The following GPR158 variants were observed in gnomAD, a reference collection of about 807,000 sequenced individuals.
The protein encoded by GPR158 is metabotropic glycine receptor.
Under a neutral mutation model 78.2 loss-of-function variants are expected in GPR158, and 30 were observed. The observed-to-expected ratio is 0.38, with a 90% CI of 0.29 to 0.52. The LOEUF (loss-of-function observed/expected upper bound fraction) is 0.52. GPR158 is among the 20% of genes least tolerant of loss of function. The probability of loss-of-function intolerance (pLI) is 0.83; values close to 1 mark genes in which losing one functional copy is unlikely to be tolerated. For missense variants in GPR158, 1,463 were observed against 1,523.5 expected, an observed-to-expected ratio of 0.96 and a Z score of 0.66; for synonymous variants, 581 against 591.1, an observed-to-expected ratio of 0.98 and a Z score of 0.25.
chr10:25,492,283 A>C lies in GPR158; in HGVS notation c.1404+25564A>C, dbSNP rs974816172. On this transcript the variant is annotated intron_variant, in intron 5 of 10. Transcript: ENST00000376351. ...CTCCCACCAGGCCCTGCCTCTGCCA[A>C]CCCTTGAGTCAGAAACACTATTCAA... Among the ~76,000 whole-genome samples the C allele has an allele frequency of 7.2e-5, 11 of 152,150 alleles. No homozygotes were observed. The East Asian group carries it at 2.1e-3, about 29-fold the overall frequency.
intron 1 of GPR158, among the ~76,000 whole-genome samples, chr10:25,219,459 A>G (rs1452060586): frequency 6.6e-6 from 1 of 152,220 alleles, no homozygotes; most frequent in African/African-American, 2.4e-5. Context: ...CCACAACAGT[A>G]ATATTTTGCA....
intron 1 of GPR158, among the ~76,000 whole-genome samples, chr10:25,218,859 T>C (rs1588741195): frequency 1.1e-5 from 1 of 95,104 alleles, no homozygotes; most frequent in South Asian, 3.1e-4. Flanking sequence ...ATGGAACTTA[T>C]TTTTTTTTTT....
chr10:25,230,520 A>G (rs982601992), intron 2 of GPR158, among the ~76,000 whole-genome samples: 2 of 152,164 alleles, frequency 1.3e-5, no homozygotes, highest in Admixed American at 1.3e-4. Context: ...AGGACTTTGA[A>G]ACCTTACTTT....
At chr10:25,506,930 T>G (rs888367912) in intron 5 of GPR158, among the ~76,000 whole-genome samples, 3 of 152,264 alleles carry the variant, frequency 2.0e-5, no homozygotes, top group African/African-American at 7.2e-5. Context: ...GAGTTTTGAC[T>G]GTAATGTCCT....
At chr10:25,340,298 T>C (rs1026186518) in intron 2 of GPR158, among the ~76,000 whole-genome samples, 1 of 152,054 alleles carries the variant, frequency 6.6e-6, no homozygotes. Context: ...AAACAAGATA[T>C]ACCCGTTAAA....
At chr10:25,180,702 A>G (rs1183732517) in intron 1 of GPR158, among the ~76,000 whole-genome samples, 1 of 152,164 alleles carries the variant, frequency 6.6e-6, no homozygotes, top group East Asian at 1.9e-4. Context: ...AATAGACTTG[A>G]TGATTTCCAT....
chr10:25,306,610 A>G (rs1854679652), intron 2 of GPR158, among the ~76,000 whole-genome samples: 1 of 152,164 alleles, frequency 6.6e-6, no homozygotes, highest in Non-Finnish European at 1.5e-5. Context: ...TTGTTTTCAT[A>G]TCTTTCCATA....
chr10:25,444,800 G>C (rs1835119013), intron 4 of GPR158, among the ~76,000 whole-genome samples: 1 of 152,084 alleles, frequency 6.6e-6, no homozygotes, highest in Non-Finnish European at 1.5e-5. Context: ...ATATCATTGA[G>C]TTTTAAAGCA....
At position 25,212,026 on chromosome 10, in the gene GPR158, A is replaced by G. The variant is rs1237171717; in HGVS notation, c.903-9026A>G. ...CTACTTAAACTTAAGCTATTTCTCAAAAATTCATACAGAATTTTGGTAGGT... is the reference window on the plus strand; with the variant it reads ...CTACTTAAACTTAAGCTATTTCTCAGAAATTCATACAGAATTTTGGTAGGT... On this transcript the variant is annotated intron_variant, in intron 1 of 10. Coordinates refer to ENST00000376351, the MANE Select transcript of GPR158 (RefSeq NM_020752.3). Among the ~76,000 whole-genome samples the G allele has an allele frequency of 3.9e-5, 6 of 152,160 alleles. 1 individual carries two copies. Among genetic ancestry groups the G allele is most frequent in the Non-Finnish European group, 4.4e-5 (3 of 68,028 alleles).
In GPR158 at chr10:25,576,970, CAAAA is replaced by C. The variant is rs765153642; in HGVS notation, c.1753+4097_1753+4100del. 4.6e-3 allele frequency among the ~76,000 whole-genome samples: 528 copies of C among 113,736 alleles called. 3 individuals are homozygous for C. Among genetic ancestry groups the C allele is most frequent in the Non-Finnish European group, 4.5e-3 (244 of 53,908 alleles). 74.6% of individuals were successfully genotyped at this position (113,736 alleles called of 152,430 possible). A position where few individuals can be genotyped will look rare whatever the true frequency, so the allele number is the denominator to read the frequency against. On this transcript the variant is annotated intron_variant, in intron 7 of 10. Transcript: ENST00000376351. Reference sequence around the variant, plus strand: ...GCTCATCCCATAGTGACAGTGTTCTCAAAAAAAAAAAAAAAAAGTCAGGGCACAT... The same window carrying C: ...GCTCATCCCATAGTGACAGTGTTCTCAAAAAAAAAAAAAGTCAGGGCACAT...
At position 25,599,305 on chromosome 10, in the gene GPR158, AC is replaced by A; in HGVS notation, c.*35del. 1.3e-6 allele frequency: 2 copies of A among 1,481,552 alleles called. No individual in the cohort carries two copies. Among genetic ancestry groups the A allele is most frequent in the Non-Finnish European group, 1.9e-6 (2 of 1,079,488 alleles). The allele number at this position is 1,481,552 out of a possible 1,614,324, so 91.8% of individuals were successfully genotyped here. Reference sequence around the variant, plus strand: ...CCAGGAAGAAGAGGAAAAGGAGGGAACCCCGGATTGGATATGAGACAGAAGA... The same window carrying A: ...CCAGGAAGAAGAGGAAAAGGAGGGAACCCGGATTGGATATGAGACAGAAGA... On this transcript the variant is annotated 3_prime_UTR_variant, in exon 11 of 11. Transcript: ENST00000376351.
chr10:25,353,426 T>G (rs542617004), intron 2 of GPR158, among the ~76,000 whole-genome samples: 1 of 152,044 alleles, frequency 6.6e-6, no homozygotes, highest in Admixed American at 6.6e-5. Flanking sequence ...ATAAAAATAA[T>G]GTAACTAACC....
At chr10:25,192,079 C>T (rs1002005101) in intron 1 of GPR158, among the ~76,000 whole-genome samples, 1 of 152,134 alleles carries the variant, frequency 6.6e-6, no homozygotes, top group Non-Finnish European at 1.5e-5. Context: ...TTGTAATCTC[C>T]ATAATTCCCA....
At chr10:25,446,477 A>G (rs1217375971) in intron 4 of GPR158, among the ~76,000 whole-genome samples, 2 of 152,060 alleles carry the variant, frequency 1.3e-5, no homozygotes, top group Non-Finnish European at 2.9e-5. Flanking sequence ...CTGATTTAAC[A>G]TTAACGAATC....
intron 2 of GPR158, among the ~76,000 whole-genome samples, chr10:25,369,101 T>C (rs1833951101): frequency 6.6e-6 from 1 of 151,784 alleles, no homozygotes; most frequent in Admixed American, 6.6e-5. Flanking sequence ...TATACAATCA[T>C]GTCATCTGCA....
At chr10:25,280,377 A>C (rs372599856) in intron 2 of GPR158, among the ~76,000 whole-genome samples, 1 of 152,226 alleles carries the variant, frequency 6.6e-6, no homozygotes, top group Admixed American at 6.5e-5. Context: ...TTGGTTATAA[A>C]GAGTCACTAT....
intron 2 of GPR158, among the ~76,000 whole-genome samples, chr10:25,257,883 G>A (rs990434851): frequency 1.3e-5 from 2 of 152,036 alleles, no homozygotes; most frequent in East Asian, 1.9e-4. Context: ...CTGTCCATGC[G>A]GGTTAGGAAA....
intron 2 of GPR158, among the ~76,000 whole-genome samples, chr10:25,275,922 A>T (rs191898759): frequency 6.6e-6 from 1 of 152,172 alleles, no homozygotes; most frequent in Non-Finnish European, 1.5e-5. Context: ...GTTATTAAAA[A>T]AATCTTGTAT....
At chr10:25,340,409 A>G (rs1855286155) in intron 2 of GPR158, among the ~76,000 whole-genome samples, 1 of 152,056 alleles carries the variant, frequency 6.6e-6, no homozygotes, top group Admixed American at 6.6e-5. Context: ...ATATTCCTGT[A>G]CTCTATCAAA....
Sources: gnomAD v4.1 joint callset for allele counts (sites outside exome capture counted in the v4.1 genomes callset) on GRCh38, gnomAD v4.1.1 for gene constraint, MANE v1.5 for transcripts, NCBI Gene and HGNC (gene_info 2026-07-23, HGNC 2026-07-21) for gene names.